COL21A1: variants seen among roughly 807,000 people sequenced by gnomAD.
COL21A1 encodes collagen type XXI alpha 1 chain.
A neutral mutation model predicts 137.9 loss-of-function variants in COL21A1; 149 were observed. That is an observed-to-expected ratio of 1.08 (90% CI 0.95 to 1.24). COL21A1 has a LOEUF of 1.24. COL21A1 is among the 50% of genes most tolerant of loss of function. COL21A1 has a pLI of 0.00. For missense variants in COL21A1, 1,167 were observed against 1,158.4 expected, an observed-to-expected ratio of 1.01 and a Z score of -0.11; for synonymous variants, 456 against 391.5, an observed-to-expected ratio of 1.16 and a Z score of -1.95.
chr6:56,289,447 G>T (rs555225910), intron 1 of COL21A1, among the ~76,000 whole-genome samples: 9 of 152,136 alleles, frequency 5.9e-5, no homozygotes, highest in African/African-American at 2.2e-4. Flanking sequence ...CAAACAGAGC[G>T]TGCATCTTCA....
At chr6:56,192,810 A>T (rs1025613543) in intron 1 of COL21A1, among the ~76,000 whole-genome samples, 1 of 152,060 alleles carries the variant, frequency 6.6e-6, no homozygotes, top group African/African-American at 2.4e-5. Flanking sequence ...TAGAAATACC[A>T]TTTGACCCAG....
intron 16 of COL21A1, among the ~76,000 whole-genome samples, chr6:56,104,927 G>A (rs1770753794): frequency 6.6e-6 from 1 of 152,300 alleles, no homozygotes; most frequent in Non-Finnish European, 1.5e-5. Flanking sequence ...GGAAGGTATG[G>A]TTTACTGATC....
intron 1 of COL21A1, among the ~76,000 whole-genome samples, chr6:56,353,180 G>A (rs1440658822): frequency 6.6e-6 from 1 of 152,178 alleles, no homozygotes; most frequent in Non-Finnish European, 1.5e-5. Context: ...GGCTTTAGTA[G>A]CTCACTTCTA....
At chr6:56,124,814 T>G (rs554260379) in intron 14 of COL21A1, among the ~76,000 whole-genome samples, 1 of 150,760 alleles carries the variant, frequency 6.6e-6, no homozygotes, top group Admixed American at 6.6e-5. Context: ...GCTAATTTTG[T>G]TTTTGTATTT....
At chr6:56,275,736 A>C (rs2152333116) in intron 1 of COL21A1, among the ~76,000 whole-genome samples, 1 of 152,316 alleles carries the variant, frequency 6.6e-6, no homozygotes, top group African/African-American at 2.4e-5. Context: ...GATTCTGGCA[A>C]TGCTATGGGA....
At chr6:56,132,836 G>A (rs1026443325) in intron 12 of COL21A1, among the ~76,000 whole-genome samples, 11 of 152,024 alleles carry the variant, frequency 7.2e-5, no homozygotes, top group African/African-American at 2.2e-4. Context: ...TTAAAAATGC[G>A]AGTTTCCCTC....
intron 1 of COL21A1, among the ~76,000 whole-genome samples, chr6:56,213,581 A>G (rs1440339356): frequency 6.6e-6 from 1 of 152,090 alleles, no homozygotes; most frequent in Non-Finnish European, 1.5e-5. Context: ...GATTAAACAA[A>G]ATAGTAAAAC....
chr6:56,261,588 C>T (rs1763278298), intron 1 of COL21A1, among the ~76,000 whole-genome samples: 1 of 152,106 alleles, frequency 6.6e-6, no homozygotes, highest in African/African-American at 2.4e-5. Flanking sequence ...TCTACAGGCA[C>T]CTTGGTCATT....
chr6:56,279,736 G>C (rs187643189), intron 1 of COL21A1, among the ~76,000 whole-genome samples: 9 of 152,302 alleles, frequency 5.9e-5, no homozygotes, highest in Admixed American at 5.2e-4. Context: ...TGTCAGCTTT[G>C]AACCAGAAAG....
intron 1 of COL21A1, among the ~76,000 whole-genome samples, chr6:56,325,932 A>T (rs71550512): frequency 1.2e-4 from 7 of 56,426 alleles, no homozygotes; most frequent in Non-Finnish European, 2.0e-4. Context: ...TAATATATAT[A>T]ATATATATTA....
intron 1 of COL21A1, among the ~76,000 whole-genome samples, chr6:56,333,478 C>T (rs11757881): frequency 0.47 from 70,735 of 151,856 alleles, 17,913 homozygotes; most frequent in East Asian, 0.8. Flanking sequence ...TTATTAATTG[C>T]TTATTTCTTA....
rs535145434 is a variant in COL21A1, at chr6:56,372,612, A to G, written c.-39+21359T>C. ...CAACTCATAAGGGAGTATGTAACTA[A>G]AGCCAAAAAGGGAATTTATCAGCTT... On this transcript the variant is annotated intron_variant, in intron 1 of 28. Coordinates refer to the COL21A1 transcript ENST00000370819. Among the ~76,000 whole-genome samples, 7 of 152,352 alleles carry G rather than the reference A, an allele frequency of 4.6e-5. 1 individual carries two copies. The South Asian group carries it at 1.2e-3, about 27-fold the overall frequency.
At chr6:56,151,304 ACTT>A (rs1206458954) in intron 10 of COL21A1, among the ~76,000 whole-genome samples, 2 of 152,170 alleles carry the variant, frequency 1.3e-5, no homozygotes, top group Admixed American at 1.3e-4. Context: ...AAAAATATAA[ACTT>A]CTATAAACTC....
chr6:56,286,210 T>C (rs1042599373), intron 1 of COL21A1, among the ~76,000 whole-genome samples: 1 of 152,164 alleles, frequency 6.6e-6, no homozygotes, highest in Non-Finnish European at 1.5e-5. Context: ...ATCCATAAAA[T>C]GAATTGAGGA....
chr6:56,283,173 A>G (rs1763820141), intron 1 of COL21A1, among the ~76,000 whole-genome samples: 2 of 152,150 alleles, frequency 1.3e-5, no homozygotes, highest in Admixed American at 6.5e-5. Context: ...ATCTATCTTA[A>G]GGGAATCAAG....
Position 56,057,526 on chromosome 6 carries a change from T to C in COL21A1, c.*131A>G. ...ATGTGATCTTTTATATTTTTTTCCA[T>C]AAGAAAAAAAAAATAAAAACACCGA... is the stretch of plus-strand genomic sequence containing the variant. On this transcript the variant is annotated 3_prime_UTR_variant, in exon 30 of 30. Transcript: ENST00000244728. The C allele has an allele frequency of 1.2e-6, 1 of 837,572 alleles. No individual in the cohort carries two copies. The highest frequency in any genetic ancestry group is 1.6e-5 in the South Asian group (1 of 62,096). The allele number at this position is 837,572 out of a possible 1,614,324, so 51.9% of individuals were successfully genotyped here. A position where few individuals can be genotyped will look rare whatever the true frequency, so the allele number is the denominator to read the frequency against.
chr6:56,253,901 C>G (rs4715599), intron 1 of COL21A1, among the ~76,000 whole-genome samples: 3 of 152,126 alleles, frequency 2.0e-5, no homozygotes, highest in Admixed American at 6.5e-5. Flanking sequence ...GTTAAGTAAC[C>G]TGCAAGTCTT....
intron 1 of COL21A1, among the ~76,000 whole-genome samples, chr6:56,307,466 C>T (rs1301937605): frequency 6.6e-6 from 1 of 152,212 alleles, no homozygotes; most frequent in Non-Finnish European, 1.5e-5. Flanking sequence ...GCAGTTTGAT[C>T]TCAGACTGCT....
chr6:56,268,373 T>C (rs2152331940), intron 1 of COL21A1, among the ~76,000 whole-genome samples: 1 of 152,288 alleles, frequency 6.6e-6, no homozygotes, highest in East Asian at 1.9e-4. Flanking sequence ...ACAGACCTGA[T>C]GAGGGAATCA....
Sources: gnomAD v4.1 joint callset for allele counts (sites outside exome capture counted in the v4.1 genomes callset) on GRCh38, gnomAD v4.1.1 for gene constraint, MANE v1.5 for transcripts, NCBI Gene and HGNC (gene_info 2026-07-23, HGNC 2026-07-21) for gene names.